Variants in UBXN8 observed in about 807,000 individuals in gnomAD.
The protein encoded by UBXN8 is UBX domain protein 8.
In UBXN8, 27 loss-of-function variants were observed where a neutral mutation model predicts 32.1. That is an observed-to-expected ratio of 0.84 (90% CI 0.62 to 1.16). UBXN8 has a LOEUF of 1.16. UBXN8 is among the 50% of genes most tolerant of loss of function. The pLI is 0.00. For synonymous variants in UBXN8, 109 were observed against 111.8 expected, an observed-to-expected ratio of 0.98 and a Z score of 0.16; for missense variants, 306 against 311.4, an observed-to-expected ratio of 0.98 and a Z score of 0.13.
intron 7 of UBXN8, among the ~76,000 whole-genome samples, chr8:30,764,138 T>C (rs1805934749): frequency 6.6e-6 from 1 of 152,260 alleles, no homozygotes; most frequent in African/African-American, 2.4e-5. Flanking sequence ...CTAAGTACAT[T>C]TAAACATATA....
At chr8:30,766,004 C>A (rs1216057377) in intron 7 of UBXN8, among the ~76,000 whole-genome samples, 2 of 86,246 alleles carry the variant, frequency 2.3e-5, no homozygotes, top group African/African-American at 8.0e-5. Flanking sequence ...AGCGAGACTC[C>A]CATCTCAAAA....
exon 1 of UBXN8, chr8:30,732,807 T>C (rs1271872929): frequency 6.6e-6 from 1 of 152,262 alleles, no homozygotes; most frequent in African/African-American, 2.4e-5. Flanking sequence ...ATGGCCCCCA[T>C]GTTTGAGGGC....
chr8:30,730,479 A>G (rs1252718273), upstream of UBXN8, among the ~76,000 whole-genome samples: 3 of 152,188 alleles, frequency 2.0e-5, no homozygotes, highest in African/African-American at 7.2e-5. Context: ...CCAAGCAGCA[A>G]CTAAGTGGCT....
intron 1 of UBXN8, among the ~76,000 whole-genome samples, chr8:30,748,919 C>G (rs569211190): frequency 2.0e-5 from 3 of 152,164 alleles, no homozygotes; most frequent in Non-Finnish European, 4.4e-5. Context: ...TTGGATTCCT[C>G]TGTATCTCTG....
At position 30,766,518 on chromosome 8, in the gene UBXN8, T is replaced by C. The variant is rs766749733; in HGVS notation, c.*124T>C. On this transcript the variant is annotated 3_prime_UTR_variant, in exon 8 of 8. Transcript: ENST00000265616. Reference sequence around the variant, plus strand: ...AGCTCATGGCAGTAAACTTTGAACATTGATATCCATGGGAATAGGATTAGA... The same window carrying C: ...AGCTCATGGCAGTAAACTTTGAACACTGATATCCATGGGAATAGGATTAGA... 6 of 977,484 alleles carry C rather than the reference T, an allele frequency of 6.1e-6. No homozygotes were observed. The highest frequency in any genetic ancestry group is 3.0e-5 in the Admixed American group (1 of 32,862). The allele number at this position is 977,484 out of a possible 1,614,324, so 60.6% of individuals were successfully genotyped here.
At chr8:30,741,436 T>C (rs920480459), upstream of UBXN8, among the ~76,000 whole-genome samples, 1 of 151,094 alleles carries the variant, frequency 6.6e-6, no homozygotes, top group East Asian at 1.9e-4. Context: ...ACGACTAAGA[T>C]TATGTCAAAG....
intron 4 of UBXN8, 66 bp from the exon 5 acceptor site, chr8:30,756,699 C>A: frequency 6.3e-7 from 1 of 1,587,640 alleles, no homozygotes; most frequent in Non-Finnish European, 8.6e-7. Flanking sequence ...AAAGGAAAAA[C>A]AATTGTGAAT....
At chr8:30,754,552 T>C (rs1805595547) in intron 3 of UBXN8, 113 bp from the exon 4 acceptor site, 1 of 1,402,712 alleles carries the variant, frequency 7.1e-7, no homozygotes, top group African/African-American at 1.5e-5. Flanking sequence ...TGGCAGTGGC[T>C]CTGTTCAGCC....
At chr8:30,731,839 C>G (rs1489163770), upstream of UBXN8, among the ~76,000 whole-genome samples, 8 of 152,008 alleles carry the variant, frequency 5.3e-5, no homozygotes, top group Non-Finnish European at 1.5e-5. Context: ...AATTATAGTT[C>G]CTTGTCAGTC....
chr8:30,753,020 GT>G lies in UBXN8; in HGVS notation c.212-11del. 6.7e-7 allele frequency: 1 copy of G among 1,503,494 alleles called. No individual in the cohort carries two copies. The highest frequency in any genetic ancestry group is 1.7e-4 in the Middle Eastern group (1 of 5,784). 93.1% of individuals were successfully genotyped at this position (1,503,494 alleles called of 1,614,324 possible). A position where few individuals can be genotyped will look rare whatever the true frequency, so the allele number is the denominator to read the frequency against. On this transcript the variant is annotated splice_polypyrimidine_tract_variant and intron_variant, in intron 2 of 7. Transcript: ENST00000265616. ...CTTGGGAAGTAAAAAGCACTTTTAT[GT>G]TTTGATGTCTTAGAAGAAGAAGAAA...
intron 5 of UBXN8, among the ~76,000 whole-genome samples, chr8:30,757,264 T>C (rs1350072777): frequency 1.3e-5 from 2 of 151,784 alleles, no homozygotes; most frequent in African/African-American, 4.8e-5. Flanking sequence ...AATACTCAAT[T>C]CTTAGCCAGG....
chr8:30,731,645 G>C (rs981015981), upstream of UBXN8, among the ~76,000 whole-genome samples: 2 of 151,810 alleles, frequency 1.3e-5, no homozygotes, highest in Non-Finnish European at 2.9e-5. Context: ...GATAAGACCA[G>C]CTCTGGCTAA....
upstream of UBXN8, among the ~76,000 whole-genome samples, chr8:30,730,355 A>G (rs1804922763): frequency 2.0e-5 from 3 of 152,308 alleles, no homozygotes; most frequent in Non-Finnish European, 4.4e-5. Context: ...CTGAAAAGCC[A>G]CAAGCTCTAA....
chr8:30,756,708 A>AT (rs1805670960), intron 4 of UBXN8, 57 bp from the exon 5 acceptor site: 1 of 1,599,726 alleles, frequency 6.3e-7, no homozygotes, highest in Admixed American at 1.7e-5. Context: ...ACAATTGTGA[A>AT]TAGAATAAAG....
upstream of UBXN8, among the ~76,000 whole-genome samples, chr8:30,730,273 G>A (rs1378598835): frequency 6.6e-6 from 1 of 152,192 alleles, no homozygotes; most frequent in Non-Finnish European, 1.5e-5. Context: ...ATGGCGGAGA[G>A]GCGTGTTTTT....
At chr8:30,760,444 T>TATATATATATA (rs60534482) in intron 5 of UBXN8, among the ~76,000 whole-genome samples, 58 of 67,006 alleles carry the variant, frequency 8.7e-4, no homozygotes, top group South Asian at 2.8e-3. Context: ...TATATATATA[T>TATATATATATA]TTTTTTTTTT....
At position 30,751,396 on chromosome 8, in the gene UBXN8, G is replaced by A; in HGVS notation, c.89G>A (p.Gly30Glu). 1 of 1,573,546 alleles carries A rather than the reference G, an allele frequency of 6.4e-7. No individual in the cohort carries two copies. The highest frequency in any genetic ancestry group is 8.6e-7 in the Non-Finnish European group (1 of 1,159,388). The change falls in exon 2 of 8, where the codon GGA (glycine) becomes GAA (glutamate). Residue 30 changes from glycine to glutamate, a missense_variant and splice_region_variant. Physicochemically the swap from Gly to Glu is moderately conservative, Grantham distance 98. Coordinates refer to ENST00000265616, the MANE Select transcript of UBXN8 (RefSeq NM_005671.4). ...LELRRGIPDI[G>E]IKDFLLLCGR... ...AATTTTAGTTTTTTTCCTTTATCAG[G>A]AATCAAGGATTTTCTTTTGCTTTGT...
chr8:30,755,703 A>G (rs1336698717), intron 4 of UBXN8, among the ~76,000 whole-genome samples: 3 of 139,026 alleles, frequency 2.2e-5, no homozygotes, highest in African/African-American at 5.1e-5. Context: ...GGCTGCAGTG[A>G]GCTGTGACTG....
upstream of UBXN8, among the ~76,000 whole-genome samples, chr8:30,741,632 C>T (rs1255480812): frequency 1.3e-5 from 2 of 151,606 alleles, no homozygotes; most frequent in African/African-American, 4.9e-5. Context: ...TTGTATTTTT[C>T]GTAGAGACAG....
Sources: allele counts gnomAD v4.1 joint callset (sites outside exome capture counted in the v4.1 genomes callset), GRCh38; gene constraint gnomAD v4.1.1; transcripts MANE v1.5; gene names NCBI Gene and HGNC (gene_info 2026-07-23, HGNC 2026-07-21).